Variants in OR1B1 observed in about 807,000 individuals in gnomAD.
The protein encoded by OR1B1 is olfactory receptor family 1 subfamily B member 1.
For synonymous variants in OR1B1, 168 were observed against 156.2 expected (o/e 1.08, Z -0.57); for missense variants, 414 against 402.1 (o/e 1.03, Z -0.25).
chr9:122,654,727 T>G, the OR1B1 span, among the ~76,000 whole-genome samples: 1 of 152,204 alleles, frequency 6.6e-6, no homozygotes, highest in South Asian at 2.1e-4. Context: ...TCTAATGAGT[T>G]CAACTTTTCT....
chr9:122,651,357 C>T, the OR1B1 span, among the ~76,000 whole-genome samples: 35 of 152,260 alleles, frequency 2.3e-4, no homozygotes, highest in East Asian at 3.5e-3. Context: ...TTCGAAACTA[C>T]GTAATGTATT....
At chr9:122,645,070 G>A in the OR1B1 span, among the ~76,000 whole-genome samples, 1 of 152,166 alleles carries the variant, frequency 6.6e-6, no homozygotes, top group Non-Finnish European at 1.5e-5. Flanking sequence ...AATCATATAA[G>A]AATTTTCACA....
At chr9:122,644,832 C>T in the OR1B1 span, among the ~76,000 whole-genome samples, 1 of 151,842 alleles carries the variant, frequency 6.6e-6, no homozygotes, top group Non-Finnish European at 1.5e-5. Flanking sequence ...CACACGCAAG[C>T]CCAGACTGTG....
chr9:122,639,104 A>G, the OR1B1 span, among the ~76,000 whole-genome samples: 7 of 152,278 alleles, frequency 4.6e-5, no homozygotes, highest in African/African-American at 1.7e-4. Flanking sequence ...ATGATAATTC[A>G]TATCTACTTA....
At chr9:122,642,670 A>G in the OR1B1 span, among the ~76,000 whole-genome samples, 1 of 152,174 alleles carries the variant, frequency 6.6e-6, no homozygotes, top group East Asian at 1.9e-4. Flanking sequence ...AGACAAATCA[A>G]TCAATGCCCA....
the OR1B1 span, among the ~76,000 whole-genome samples, chr9:122,637,886 T>C: frequency 2.0e-5 from 3 of 152,218 alleles, no homozygotes; most frequent in African/African-American, 7.2e-5. Flanking sequence ...GAAATTGTGG[T>C]ATATAACAGT....
the OR1B1 span, among the ~76,000 whole-genome samples, chr9:122,653,562 G>A: frequency 6.6e-6 from 1 of 152,042 alleles, no homozygotes; most frequent in African/African-American, 2.4e-5. Context: ...GGTAAATTGA[G>A]ATCTTCCACT....
chr9:122,643,407 G>T, the OR1B1 span, among the ~76,000 whole-genome samples: 3 of 152,326 alleles, frequency 2.0e-5, no homozygotes, highest in East Asian at 5.8e-4. Flanking sequence ...CACAGGAATG[G>T]AGTATTTGGA....
chr9:122,642,228 G>A, the OR1B1 span, among the ~76,000 whole-genome samples: 2 of 152,108 alleles, frequency 1.3e-5, no homozygotes, highest in African/African-American at 4.8e-5. Flanking sequence ...AGAAAAGATG[G>A]TGTTCAACAG....
upstream of OR1B1, among the ~76,000 whole-genome samples, chr9:122,632,138 A>G (rs1419467727): frequency 6.6e-6 from 1 of 152,186 alleles, no homozygotes; most frequent in African/African-American, 2.4e-5. Context: ...CAAAACACAC[A>G]TAAAGTCTAT....
chr9:122,656,991 G>T, the OR1B1 span, among the ~76,000 whole-genome samples: 1 of 151,940 alleles, frequency 6.6e-6, no homozygotes, highest in African/African-American at 2.4e-5. Flanking sequence ...TCAATATAAT[G>T]CATTAAATGA....
At chr9:122,629,661 C>G (rs7037571), upstream of OR1B1, 332,162 of 623,160 alleles carry the variant, frequency 0.53, 90,699 homozygotes, top group Non-Finnish European at 0.58. Context: ...GACCTAGATT[C>G]GAACTTGACC....
upstream of OR1B1, among the ~76,000 whole-genome samples, chr9:122,631,294 A>T (rs1242954687): frequency 2.0e-5 from 3 of 151,736 alleles, no homozygotes; most frequent in Non-Finnish European, 1.5e-5. Flanking sequence ...CTCCTGCCTC[A>T]GCCTCCAGAG....
At chr9:122,656,488 T>TAA in the OR1B1 span, among the ~76,000 whole-genome samples, 1 of 146,946 alleles carries the variant, frequency 6.8e-6, no homozygotes, top group Non-Finnish European at 1.5e-5. Context: ...GGTTCCTGAT[T>TAA]AAAAAAAAAA....
At chr9:122,634,071 A>G (rs1830231650), upstream of OR1B1, among the ~76,000 whole-genome samples, 2 of 151,966 alleles carry the variant, frequency 1.3e-5, no homozygotes, top group African/African-American at 2.4e-5. Context: ...GCATGGTGGC[A>G]CATGCCTGTA....
the OR1B1 span, among the ~76,000 whole-genome samples, chr9:122,647,636 G>C: frequency 6.6e-6 from 1 of 152,178 alleles, no homozygotes; most frequent in Non-Finnish European, 1.5e-5. Flanking sequence ...TGCTGCCACT[G>C]TTACTGATAC....
downstream of OR1B1, chr9:122,628,541 C>A: frequency 7.2e-7 from 1 of 1,380,324 alleles, no homozygotes; most frequent in Non-Finnish European, 1.0e-6. Flanking sequence ...ATGCCCATGA[C>A]TTTTCTCACC....
At chr9:122,654,749 A>G in the OR1B1 span, among the ~76,000 whole-genome samples, 68 of 152,324 alleles carry the variant, frequency 4.5e-4, no homozygotes, top group African/African-American at 1.4e-3. Context: ...GATTCCACAT[A>G]GAAGTGAGAT....
At chr9:122,650,113 G>T in the OR1B1 span, among the ~76,000 whole-genome samples, 1 of 152,114 alleles carries the variant, frequency 6.6e-6, no homozygotes, top group South Asian at 2.1e-4. Flanking sequence ...CATGGATGAA[G>T]CTGGAAACCA....
Sources: gnomAD v4.1 joint callset for allele counts (sites outside exome capture counted in the v4.1 genomes callset) on GRCh38, gnomAD v4.1.1 for gene constraint, MANE v1.5 for transcripts, NCBI Gene and HGNC (gene_info 2026-07-23, HGNC 2026-07-21) for gene names.